Variants in DPP10 observed in about 807,000 individuals in gnomAD.
DPP10 encodes inactive dipeptidyl peptidase 10.
Under a neutral mutation model 120.9 loss-of-function variants are expected in DPP10, and 33 were observed. The observed-to-expected ratio is 0.27, with a 90% CI of 0.21 to 0.37. The LOEUF (loss-of-function observed/expected upper bound fraction) is 0.37. Among genes scored for constraint, DPP10 ranks in the 10% least tolerant of loss-of-function variants. The pLI, the probability that DPP10 is intolerant of heterozygous loss-of-function variation, is 1.00. For synonymous variants in DPP10, 337 were observed against 326.1 expected (o/e 1.03, Z -0.36); for missense variants, 816 against 942.8 (o/e 0.87, Z 1.76).
intron 21 of DPP10, among the ~76,000 whole-genome samples, chr2:115,831,506 G>C (rs1452286963): frequency 6.6e-6 from 1 of 152,132 alleles, no homozygotes; most frequent in East Asian, 1.9e-4. Context: ...CCAAAGTGCT[G>C]GGATTACAGG....
chr2:115,365,233 C>A (rs925168759), intron 3 of DPP10, among the ~76,000 whole-genome samples: 1 of 152,008 alleles, frequency 6.6e-6, no homozygotes, highest in Non-Finnish European at 1.5e-5. Flanking sequence ...AGGTACTCTG[C>A]ATGACAGCGG....
chr2:114,755,350 A>G (rs751658374), intron 1 of DPP10, among the ~76,000 whole-genome samples: 2 of 152,112 alleles, frequency 1.3e-5, no homozygotes, highest in Non-Finnish European at 2.9e-5. Flanking sequence ...CTGGAGTGCA[A>G]TGGCACAATC....
At chr2:115,306,306 G>A (rs184945466) in intron 1 of DPP10, among the ~76,000 whole-genome samples, 49 of 152,130 alleles carry the variant, frequency 3.2e-4, no homozygotes, top group Non-Finnish European at 2.1e-4. Flanking sequence ...GTCTATAACT[G>A]GATGCATATG....
At chr2:115,371,701 G>A (rs999865472) in intron 3 of DPP10, among the ~76,000 whole-genome samples, 4 of 151,938 alleles carry the variant, frequency 2.6e-5, no homozygotes, top group African/African-American at 9.7e-5. Context: ...AGCACTAAAG[G>A]CAGAATAATT....
At chr2:115,384,573 A>C (rs867877957) in intron 3 of DPP10, among the ~76,000 whole-genome samples, 1 of 122,576 alleles carries the variant, frequency 8.2e-6, no homozygotes, top group African/African-American at 2.9e-5. Flanking sequence ...AAGAAGAAGA[A>C]GAGGAAGAGG....
At chr2:114,872,291 G>C (rs1445172011) in intron 1 of DPP10, among the ~76,000 whole-genome samples, 1 of 152,056 alleles carries the variant, frequency 6.6e-6, no homozygotes, top group African/African-American at 2.4e-5. Flanking sequence ...AGCGGAGGGG[G>C]AGAAAAACCT....
chr2:114,645,477 C>A (rs1419233686), intron 1 of DPP10, among the ~76,000 whole-genome samples: 1 of 152,184 alleles, frequency 6.6e-6, no homozygotes, highest in African/African-American at 2.4e-5. Context: ...GAAAGCATAA[C>A]CTGCTTCTCT....
intron 1 of DPP10, among the ~76,000 whole-genome samples, chr2:115,073,818 A>G (rs1372707519): frequency 5.9e-5 from 9 of 152,248 alleles, no homozygotes; most frequent in Non-Finnish European, 1.2e-4. Context: ...TTGAACACAC[A>G]GGAAGTGCTC....
intron 5 of DPP10, among the ~76,000 whole-genome samples, chr2:115,527,295 G>A (rs2078190103): frequency 6.6e-6 from 1 of 151,830 alleles, no homozygotes; most frequent in African/African-American, 2.4e-5. Context: ...AACAACTAGT[G>A]CCAGAACAAT....
At chr2:115,619,173 C>T (rs1056552005) in intron 5 of DPP10, among the ~76,000 whole-genome samples, 1 of 136,888 alleles carries the variant, frequency 7.3e-6, no homozygotes. Context: ...AGTGCAGTAG[C>T]GTGATCTCGG....
At chr2:115,334,521 A>G (rs1485799286) in intron 2 of DPP10, among the ~76,000 whole-genome samples, 2 of 151,918 alleles carry the variant, frequency 1.3e-5, no homozygotes, top group Middle Eastern at 3.4e-3. Flanking sequence ...TGGAACTTAT[A>G]AAGTCAACAT....
intron 1 of DPP10, among the ~76,000 whole-genome samples, chr2:114,461,022 A>G (rs1678882377): frequency 6.6e-6 from 1 of 152,230 alleles, no homozygotes; most frequent in Non-Finnish European, 1.5e-5. Flanking sequence ...AAGCATTCAT[A>G]GTACCAGTTA....
chr2:115,766,100 A>G lies in DPP10; in HGVS notation c.1114-2197A>G, dbSNP rs550001580. On this transcript the variant is annotated intron_variant, in intron 12 of 25. Transcript: ENST00000410059. The stretch of plus-strand genomic sequence containing the variant: ...TGCTGCAGATGCAGTAGTGAAAAAT[A>G]CAAGTTTCCTGCCCTATGGGGCTTA... 4.9e-4 allele frequency among the ~76,000 whole-genome samples: 75 copies of G among 151,988 alleles called. 1 individual carries two copies. Among genetic ancestry groups the G allele is most frequent in the African/African-American group, 1.3e-3 (55 of 41,510 alleles).
chr2:114,821,283 G>T (rs1310735874), intron 1 of DPP10, among the ~76,000 whole-genome samples: 1 of 152,176 alleles, frequency 6.6e-6, no homozygotes, highest in Non-Finnish European at 1.5e-5. Context: ...ATGTGGGGGT[G>T]GCTATGCTGC....
rs143226666 is a variant in DPP10, at chr2:114,771,359, C to G, written c.60+328521C>G. Reference sequence around the variant, plus strand: ...ACCTAAGAAGTATGTCCTTCCTCACCTGGACTGCTCTCATAGCAAAGCCAC... The same window carrying G: ...ACCTAAGAAGTATGTCCTTCCTCACGTGGACTGCTCTCATAGCAAAGCCAC... On this transcript the variant is annotated intron_variant, in intron 1 of 25. Transcript: ENST00000410059. Among the ~76,000 whole-genome samples, 351 of 152,274 alleles carry G rather than the reference C, an allele frequency of 2.3e-3. 1 individual carries two copies. The highest frequency in any genetic ancestry group is 8.0e-3 in the African/African-American group (333 of 41,570).
chr2:115,784,964 G>A (rs980059590), intron 17 of DPP10, among the ~76,000 whole-genome samples: 29 of 152,286 alleles, frequency 1.9e-4, no homozygotes, highest in African/African-American at 6.5e-4. Context: ...ATGGGAGTTT[G>A]TAAGTACATT....
chr2:114,490,139 G>T (rs1681858836), intron 1 of DPP10, among the ~76,000 whole-genome samples: 1 of 152,088 alleles, frequency 6.6e-6, no homozygotes, highest in Non-Finnish European at 1.5e-5. Flanking sequence ...TTCCTCGAAG[G>T]GTTAATTTCT....
At chr2:114,556,058 G>A (rs928759785) in intron 1 of DPP10, among the ~76,000 whole-genome samples, 2 of 151,792 alleles carry the variant, frequency 1.3e-5, no homozygotes, top group Non-Finnish European at 2.9e-5. Context: ...AGAAGGAATT[G>A]GAGAGATCTG....
At chr2:115,774,109 A>T (rs928073870) in intron 13 of DPP10, among the ~76,000 whole-genome samples, 1 of 151,978 alleles carries the variant, frequency 6.6e-6, no homozygotes, top group African/African-American at 2.4e-5. Flanking sequence ...AGTAAATCAT[A>T]TATAATATTT....
Sources: allele counts gnomAD v4.1 joint callset (sites outside exome capture counted in the v4.1 genomes callset), GRCh38; gene constraint gnomAD v4.1.1; transcripts MANE v1.5; gene names NCBI Gene and HGNC (gene_info 2026-07-23, HGNC 2026-07-21).